IQCM: variants seen among roughly 807,000 people sequenced by gnomAD.
IQCM encodes the protein IQ motif containing M.
In IQCM, 45 loss-of-function variants were observed where a neutral mutation model predicts 57.6. That is an observed-to-expected ratio of 0.78 (90% CI 0.62 to 1.00). The LOEUF (loss-of-function observed/expected upper bound fraction) is 1.00, where lower values mean the gene tolerates loss of function less well. Ranked by LOEUF, IQCM falls within the 50% of genes least tolerant of loss-of-function variation. The probability of loss-of-function intolerance (pLI) is 0.00; values close to 1 mark genes in which losing one functional copy is unlikely to be tolerated. For synonymous variants in IQCM, 148 were observed against 158.9 expected, an observed-to-expected ratio of 0.93 and a Z score of 0.51; for missense variants, 468 against 511.6, an observed-to-expected ratio of 0.91 and a Z score of 0.82.
At chr4:149,461,961 T>C (rs1344973659) in intron 12 of IQCM, among the ~76,000 whole-genome samples, 1 of 152,128 alleles carries the variant, frequency 6.6e-6, no homozygotes, top group Non-Finnish European at 1.5e-5. Context: ...AGTACTGGTC[T>C]GTGGCCTGGG....
intron 12 of IQCM, among the ~76,000 whole-genome samples, chr4:149,470,118 T>G (rs1271451420): frequency 1.3e-5 from 2 of 152,126 alleles, no homozygotes; most frequent in East Asian, 3.9e-4. Flanking sequence ...AATTCACACA[T>G]AGCAATATTA....
At chr4:149,440,121 C>A (rs76479101) in intron 12 of IQCM, among the ~76,000 whole-genome samples, 4 of 88,022 alleles carry the variant, frequency 4.5e-5, no homozygotes, top group Non-Finnish European at 7.1e-5. Context: ...CATGCCCGGC[C>A]TTTTTTTTTT....
chr4:149,802,034 C>CA (rs1424793120), intron 2 of IQCM, among the ~76,000 whole-genome samples: 3 of 151,478 alleles, frequency 2.0e-5, no homozygotes, highest in East Asian at 1.9e-4. Flanking sequence ...TATGTAGCCA[C>CA]AAAAAATTAA....
At position 149,525,156 on chromosome 4, in the gene IQCM, A is replaced by G. The variant is rs553839389; in HGVS notation, c.1228+23299T>C. 1.6e-4 allele frequency among the ~76,000 whole-genome samples: 24 copies of G among 152,008 alleles called. No individual in the cohort carries two copies. The South Asian group carries it at 5.0e-3, about 31-fold the overall frequency. Reference sequence around the variant, plus strand: ...CACAGAAAAATCTTTATTTTATGAAACCAACATAATCTCAACTGCAAAATT... The same window carrying G: ...CACAGAAAAATCTTTATTTTATGAAGCCAACATAATCTCAACTGCAAAATT... On this transcript the variant is annotated intron_variant, in intron 12 of 13. Transcript: ENST00000636793.
At chr4:149,531,569 C>A (rs1048947625) in intron 12 of IQCM, among the ~76,000 whole-genome samples, 1 of 151,896 alleles carries the variant, frequency 6.6e-6, no homozygotes, top group African/African-American at 2.4e-5. Flanking sequence ...GAATCCTGAG[C>A]ATACAAAAAG....
In IQCM at chr4:149,621,128, C is replaced by A; in HGVS notation, c.681+1G>T. The stretch of plus-strand genomic sequence containing the variant: ...CTACATCCAGTTTTATAAATACTTA[C>A]AGAATAATAATCCCGAAATATTGAT... On this transcript the variant is annotated splice_donor_variant, in intron 8 of 13. Transcript: ENST00000636793. LOFTEE classifies it high-confidence loss of function. The A allele has an allele frequency of 8.3e-7, 1 of 1,201,590 alleles. No homozygotes were observed. Among genetic ancestry groups the A allele is most frequent in the South Asian group, 4.2e-5 (1 of 23,626 alleles). 74.4% of individuals were successfully genotyped at this position (1,201,590 alleles called of 1,614,324 possible).
intron 8 of IQCM, among the ~76,000 whole-genome samples, chr4:149,591,714 A>T (rs2134666): frequency 6.6e-6 from 1 of 152,174 alleles, no homozygotes; most frequent in East Asian, 2.0e-4. Context: ...TTGGTTTTCC[A>T]TCCTTGCGAT....
intron 12 of IQCM, among the ~76,000 whole-genome samples, chr4:149,438,862 T>C (rs1228621191): frequency 1.3e-5 from 2 of 152,010 alleles, no homozygotes; most frequent in South Asian, 2.1e-4. Flanking sequence ...TAATATGATT[T>C]GTAAAAATAA....
At chr4:149,613,628 TTACATATGTA>T (rs1325134786) in intron 8 of IQCM, among the ~76,000 whole-genome samples, 2 of 152,074 alleles carry the variant, frequency 1.3e-5, no homozygotes, top group Admixed American at 6.6e-5. Context: ...TGCAGGTTAG[TTACATATGTA>T]TACATGTGCC....
intron 12 of IQCM, among the ~76,000 whole-genome samples, chr4:149,484,863 C>T (rs1028424208): frequency 6.6e-6 from 1 of 151,994 alleles, no homozygotes; most frequent in Non-Finnish European, 1.5e-5. Context: ...CTTTGTGTTT[C>T]CTGTAGGGTA....
chr4:149,388,375 T>A (rs1365640214), intron 13 of IQCM, among the ~76,000 whole-genome samples: 1 of 151,142 alleles, frequency 6.6e-6, no homozygotes, highest in East Asian at 2.0e-4. Flanking sequence ...CTGACTTTCT[T>A]ATTTTGCCAT....
chr4:149,429,682 C>G (rs1734690339), intron 13 of IQCM, among the ~76,000 whole-genome samples: 1 of 151,854 alleles, frequency 6.6e-6, no homozygotes, highest in African/African-American at 2.4e-5. Context: ...TGTTGGAACA[C>G]ATAATAAATT....
intron 7 of IQCM, among the ~76,000 whole-genome samples, chr4:149,669,115 T>G (rs1345354771): frequency 6.6e-6 from 1 of 152,218 alleles, no homozygotes; most frequent in Non-Finnish European, 1.5e-5. Context: ...GTGTTCCTAT[T>G]TCTCCACATC....
chr4:149,665,869 G>A (rs567261786), intron 7 of IQCM, among the ~76,000 whole-genome samples: 11 of 152,126 alleles, frequency 7.2e-5, no homozygotes, highest in South Asian at 6.2e-4. Flanking sequence ...TAAGTCTTCC[G>A]GCCACCACAT....
chr4:149,777,216 G>A (rs1771173726), intron 2 of IQCM, among the ~76,000 whole-genome samples: 1 of 152,096 alleles, frequency 6.6e-6, no homozygotes, highest in African/African-American at 2.4e-5. Context: ...TTTGACCACT[G>A]GCAGCAAATT....
intron 13 of IQCM, among the ~76,000 whole-genome samples, chr4:149,364,960 T>A (rs1729732841): frequency 2.0e-5 from 3 of 152,002 alleles, no homozygotes; most frequent in African/African-American, 7.2e-5. Flanking sequence ...TGCACATGGA[T>A]ACAGATGGAT....
chr4:149,373,369 A>G (rs967277487), intron 13 of IQCM, among the ~76,000 whole-genome samples: 2 of 152,084 alleles, frequency 1.3e-5, no homozygotes, highest in Non-Finnish European at 2.9e-5. Context: ...AGCAACAATA[A>G]CAGCAATGAA....
chr4:149,569,012 T>C (rs1167672225), intron 9 of IQCM, among the ~76,000 whole-genome samples: 1 of 152,134 alleles, frequency 6.6e-6, no homozygotes, highest in African/African-American at 2.4e-5. Context: ...GTTCTAACTA[T>C]GTGCTTTAAG....
chr4:149,599,838 T>C (rs1397853126), intron 8 of IQCM, among the ~76,000 whole-genome samples: 2 of 152,208 alleles, frequency 1.3e-5, no homozygotes, highest in Non-Finnish European at 2.9e-5. Flanking sequence ...AAGTCTGTAA[T>C]ACTTGTTACT....
Sources: allele counts gnomAD v4.1 joint callset (sites outside exome capture counted in the v4.1 genomes callset), GRCh38; gene constraint gnomAD v4.1.1; transcripts MANE v1.5; gene names NCBI Gene and HGNC (gene_info 2026-07-23, HGNC 2026-07-21).